ZRANB3: variants seen among roughly 807,000 people sequenced by gnomAD.
The protein encoded by ZRANB3 is DNA annealing helicase and endonuclease ZRANB3.
A neutral mutation model predicts 133.8 loss-of-function variants in ZRANB3; 125 were observed. That is an observed-to-expected ratio of 0.93 (90% CI 0.81 to 1.08). The LOEUF (loss-of-function observed/expected upper bound fraction) is 1.08. Among genes scored for constraint, ZRANB3 ranks in the 50% least tolerant of loss-of-function variants. The pLI, the probability that ZRANB3 is intolerant of heterozygous loss-of-function variation, is 0.00. For synonymous variants in ZRANB3, 387 were observed against 432.7 expected, an observed-to-expected ratio of 0.89 and a Z score of 1.31; for missense variants, 1,229 against 1,275.5, an observed-to-expected ratio of 0.96 and a Z score of 0.56.
intron 9 of ZRANB3, among the ~76,000 whole-genome samples, chr2:135,273,700 G>A (rs906388637): frequency 1.3e-5 from 2 of 152,020 alleles, no homozygotes; most frequent in African/African-American, 2.4e-5. Flanking sequence ...CACCACGCCC[G>A]GCTAATTCTT....
intron 8 of ZRANB3, among the ~76,000 whole-genome samples, chr2:135,303,194 C>T (rs958168445): frequency 1.3e-5 from 2 of 152,034 alleles, no homozygotes; most frequent in African/African-American, 4.8e-5. Context: ...TTTCATACTA[C>T]GTATATATAT....
chr2:135,229,282 T>C (rs1444855019), intron 13 of ZRANB3, among the ~76,000 whole-genome samples: 1 of 152,058 alleles, frequency 6.6e-6, no homozygotes, highest in East Asian at 1.9e-4. Flanking sequence ...CAAATCAAAA[T>C]TAAGACAGAG....
chr2:135,511,636 T>C, intron 1 of ZRANB3: 1 of 779,808 alleles, frequency 1.3e-6, no homozygotes, highest in Non-Finnish European at 2.4e-6. Context: ...CCTCAAAGCC[T>C]GGTTGTTGTT....
At chr2:135,258,592 G>A (rs1389466878) in intron 12 of ZRANB3, among the ~76,000 whole-genome samples, 2 of 152,140 alleles carry the variant, frequency 1.3e-5, no homozygotes, top group Non-Finnish European at 2.9e-5. Flanking sequence ...ACAAGAACCC[G>A]GGTTTTCCTA....
chr2:135,416,464 C>G (rs1482000953), intron 2 of ZRANB3, among the ~76,000 whole-genome samples: 1 of 151,982 alleles, frequency 6.6e-6, no homozygotes, highest in Admixed American at 6.6e-5. Context: ...AAAGAGGATA[C>G]AAACAAATCG....
chr2:135,232,101 C>T (rs576573001), intron 12 of ZRANB3, among the ~76,000 whole-genome samples: 90 of 152,298 alleles, frequency 5.9e-4, no homozygotes, highest in Non-Finnish European at 8.8e-4. Context: ...CCTAATACTG[C>T]GCTTTTCCAA....
In ZRANB3 at chr2:135,394,953, C is replaced by CAA. The variant is rs113220872; in HGVS notation, c.162-4135_162-4134dup. On this transcript the variant is annotated intron_variant, in intron 2 of 20. Transcript: ENST00000264159. The stretch of plus-strand genomic sequence containing the variant: ...ACAACATAGCAAGACCTTGTCTCTA[C>CAA]AAAAAAAAAAAAAAAAAAAAAAGTA... Among the ~76,000 whole-genome samples, 408 of 43,340 alleles carry CAA rather than the reference C, an allele frequency of 9.4e-3. 3 individuals are homozygous for CAA. Among genetic ancestry groups the CAA allele is most frequent in the African/African-American group, 0.017 (267 of 16,002 alleles). The allele number at this position is 43,340 out of a possible 152,430, so 28.4% of individuals were successfully genotyped here.
chr2:135,427,957 A>G (rs1271701180), intron 2 of ZRANB3, among the ~76,000 whole-genome samples: 1 of 152,214 alleles, frequency 6.6e-6, no homozygotes, highest in Non-Finnish European at 1.5e-5. Context: ...CATGGTAAGG[A>G]ACACTTATTC....
intron 6 of ZRANB3, among the ~76,000 whole-genome samples, chr2:135,342,381 A>C (rs1684716096): frequency 6.7e-6 from 1 of 149,888 alleles, no homozygotes; most frequent in Admixed American, 6.6e-5. Flanking sequence ...GGATATCTTA[A>C]TCTATTCTTC....
chr2:135,256,893 A>C (rs1679684313), intron 12 of ZRANB3, among the ~76,000 whole-genome samples: 1 of 152,246 alleles, frequency 6.6e-6, no homozygotes, highest in Non-Finnish European at 1.5e-5. Flanking sequence ...CAAGATGGTA[A>C]TGAAAGAGAC....
chr2:135,328,677 A>G (rs187279781), intron 6 of ZRANB3, among the ~76,000 whole-genome samples: 14 of 152,264 alleles, frequency 9.2e-5, no homozygotes, highest in African/African-American at 3.4e-4. Context: ...ACACTCCCAC[A>G]AACACTGTAA....
At chr2:135,422,423 G>A (rs368218351) in intron 2 of ZRANB3, among the ~76,000 whole-genome samples, 1 of 151,500 alleles carries the variant, frequency 6.6e-6, no homozygotes, top group African/African-American at 2.4e-5. Flanking sequence ...ATTGTCTGCT[G>A]GTTGAAAATA....
At chr2:135,398,685 AT>A (rs571208392) in intron 2 of ZRANB3, among the ~76,000 whole-genome samples, 76 of 142,200 alleles carry the variant, frequency 5.3e-4, no homozygotes, top group Admixed American at 9.8e-4. Context: ...TGCCCAGCTA[AT>A]TTTTTTTTTT....
chr2:135,294,532 T>A (rs567460241), intron 8 of ZRANB3, among the ~76,000 whole-genome samples: 340 of 152,254 alleles, frequency 2.2e-3, no homozygotes, highest in African/African-American at 6.0e-3. Context: ...TTTTTTGATA[T>A]TTTCAAAAAA....
chr2:135,315,218 A>G, intron 7 of ZRANB3, 141 bp downstream of exon 7: 1 of 761,896 alleles, frequency 1.3e-6, no homozygotes. Context: ...GAAATACAAA[A>G]CCAATGTATA....
intron 2 of ZRANB3, among the ~76,000 whole-genome samples, chr2:135,493,109 A>T (rs1258867818): frequency 0.024 from 19 of 780 alleles, no homozygotes; most frequent in African/African-American, 0.096. Flanking sequence ...ATATATATAT[A>T]TATATATATA....
At chr2:135,417,367 T>C (rs1186541645) in intron 2 of ZRANB3, among the ~76,000 whole-genome samples, 3 of 151,694 alleles carry the variant, frequency 2.0e-5, no homozygotes, top group African/African-American at 7.3e-5. Context: ...AAAATGCTCA[T>C]CATCACTGGC....
chr2:135,328,424 G>T (rs1455364808), intron 6 of ZRANB3, among the ~76,000 whole-genome samples: 1 of 152,022 alleles, frequency 6.6e-6, no homozygotes, highest in Non-Finnish European at 1.5e-5. Context: ...AGCATTCCAT[G>T]GTGTATATGT....
At chr2:135,389,674 C>T (rs1687136081) in intron 3 of ZRANB3, among the ~76,000 whole-genome samples, 1 of 152,072 alleles carries the variant, frequency 6.6e-6, no homozygotes, top group African/African-American at 2.4e-5. Flanking sequence ...CATTGCACTG[C>T]AGCCTGGGCG....
Sources: allele counts gnomAD v4.1 joint callset (sites outside exome capture counted in the v4.1 genomes callset), GRCh38; gene constraint gnomAD v4.1.1; transcripts MANE v1.5; gene names NCBI Gene and HGNC (gene_info 2026-07-23, HGNC 2026-07-21).